Variants in VPS33A observed in about 807,000 individuals in gnomAD.
VPS33A encodes vacuolar protein sorting-associated protein 33A.
Under a neutral mutation model 71.8 loss-of-function variants are expected in VPS33A, and 32 were observed. The ratio of observed to expected loss-of-function variants is 0.45; its 90% CI spans 0.34 to 0.60. The LOEUF (loss-of-function observed/expected upper bound fraction) is 0.60. VPS33A is among the 20% of genes least tolerant of loss of function. The pLI is 0.02. For missense variants in VPS33A, 625 were observed against 748.5 expected (o/e 0.84, Z 1.92); for synonymous variants, 311 against 292.7 (o/e 1.06, Z -0.64).
At chr12:122,234,192 G>A (rs1388572029) in intron 11 of VPS33A, among the ~76,000 whole-genome samples, 1 of 152,218 alleles carries the variant, frequency 6.6e-6, no homozygotes. Context: ...TAAAAAACTG[G>A]CCACAGTGGC....
rs146822192 is a variant in VPS33A at position 122,242,485 on chromosome 12, C to A, written c.993G>T (p.Val331=). The change falls in exon 8 of 13, where the codon GTG becomes GTT. Residue 331 remains valine, a synonymous_variant. Transcript: ENST00000267199. ...GGGAAACAAACTGCTTGATCTCCCC[C>A]ACGGTCTTAGCATTGTGTCTTTCCT... ...AFEERHNAKT[V]GEIKQFVSQL... The A allele has an allele frequency of 6.4e-5, 103 of 1,613,946 alleles. No homozygotes were observed. In the African/African-American group the frequency reaches 1.3e-3, roughly 20 times the overall value.
At position 122,266,494 on chromosome 12, in the gene VPS33A, C is replaced by A. The variant is rs563281907; in HGVS notation, c.-86G>T. On this transcript the variant is annotated 5_prime_UTR_variant, in exon 1 of 13. Coordinates refer to ENST00000267199, the MANE Select transcript of VPS33A (RefSeq NM_022916.6). ...CCACGGACGCAGTCACGTGACCAAACGTCCACGTGACCGGTACGGCAGCGC... is the reference window on the plus strand; with the variant it reads ...CCACGGACGCAGTCACGTGACCAAAAGTCCACGTGACCGGTACGGCAGCGC... The A allele has an allele frequency of 1.3e-6, 2 of 1,538,232 alleles. No individual in the cohort carries two copies. Among genetic ancestry groups the A allele is most frequent in the East Asian group, 2.4e-5 (1 of 41,006 alleles).
intron 1 of VPS33A, 32 bp from the exon 2 acceptor site, chr12:122,264,231 A>G (rs763729265): frequency 3.4e-6 from 5 of 1,454,740 alleles, no homozygotes; most frequent in Non-Finnish European, 4.7e-6. Context: ...CTCTTATTAT[A>G]GTTAATATCA....
chr12:122,242,524 G>C lies in VPS33A; in HGVS notation c.970-16C>G. On this transcript the variant is annotated splice_polypyrimidine_tract_variant and intron_variant, in intron 7 of 12. Transcript: ENST00000267199. ...TGTGTCTTTCCTGAAATAAACAAGAGAGCAGTGCCTCAAGCAGGGAAGATA... is the reference window on the plus strand; with the variant it reads ...TGTGTCTTTCCTGAAATAAACAAGACAGCAGTGCCTCAAGCAGGGAAGATA... The C allele has an allele frequency of 6.3e-7, 1 of 1,597,234 alleles. No homozygotes were observed. The highest frequency in any genetic ancestry group is 2.3e-5 in the East Asian group (1 of 44,324).
chr12:122,233,213 T>C (rs924555281), intron 11 of VPS33A, among the ~76,000 whole-genome samples: 12 of 148,766 alleles, frequency 8.1e-5, no homozygotes, highest in African/African-American at 2.9e-4. Flanking sequence ...AAGAATTATT[T>C]GGTTTGGCAT....
intron 5 of VPS33A, among the ~76,000 whole-genome samples, 181 bp downstream of exon 5, chr12:122,250,802 A>G (rs1206748325): frequency 6.6e-6 from 1 of 152,242 alleles, no homozygotes; most frequent in East Asian, 1.9e-4. Context: ...CGCCGACAAA[A>G]GCACCATGAG....
chr12:122,237,749 C>T (rs1381604567), intron 10 of VPS33A, among the ~76,000 whole-genome samples: 2 of 133,344 alleles, frequency 1.5e-5, no homozygotes, highest in Non-Finnish European at 3.1e-5. Context: ...ACAGAGCCAC[C>T]GCGCCCGGCC....
intron 6 of VPS33A, among the ~76,000 whole-genome samples, chr12:122,246,290 TTTTATTTATTTA>T (rs138644669): frequency 6.6e-6 from 1 of 150,836 alleles, no homozygotes. Flanking sequence ...CTCTCTCTTA[TTTTATTTATTTA>T]TTTATTTATT....
At chr12:122,262,169 C>G (rs1955003497) in intron 3 of VPS33A, among the ~76,000 whole-genome samples, 1 of 152,108 alleles carries the variant, frequency 6.6e-6, no homozygotes, top group Non-Finnish European at 1.5e-5. Flanking sequence ...CCAGCCTGGG[C>G]AACAGAGTGA....
intron 11 of VPS33A, among the ~76,000 whole-genome samples, chr12:122,235,556 G>A (rs1488162074): frequency 6.6e-6 from 1 of 152,028 alleles, no homozygotes; most frequent in Admixed American, 6.6e-5. Context: ...GAGCCACCGC[G>A]CCCAGCCCAC....
chr12:122,250,869 G>T, intron 5 of VPS33A, 114 bp downstream of exon 5: 1 of 767,346 alleles, frequency 1.3e-6, no homozygotes, highest in Non-Finnish European at 2.2e-6. Context: ...CATGAGTACA[G>T]TATTCATAAA....
rs1954991342 is a variant in VPS33A at position 122,261,324 on chromosome 12, G to A, written c.420C>T (p.Tyr140=). ...VLGSFIHREE[Y]SLDLIPFDGD... ...CATCGAATGGAATGAGATCTAAGCT[G>A]TACTCCTCCCTGTGAATAAAGGATC... The change falls in exon 4 of 13, where the codon TAC becomes TAT. Residue 140 remains tyrosine, a synonymous_variant. Coordinates refer to ENST00000267199, the MANE Select transcript of VPS33A (RefSeq NM_022916.6). The A allele has an allele frequency of 1.9e-6, 3 of 1,614,024 alleles. No individual in the cohort carries two copies. Among genetic ancestry groups the A allele is most frequent in the African/African-American group, 1.3e-5 (1 of 74,998 alleles).
chr12:122,255,698 A>C (rs1419261215), intron 4 of VPS33A, among the ~76,000 whole-genome samples: 1 of 111,180 alleles, frequency 9.0e-6, no homozygotes, highest in Non-Finnish European at 1.7e-5. Flanking sequence ...CAAGAGTGAG[A>C]CTCCGTCTCA....
intron 9 of VPS33A, among the ~76,000 whole-genome samples, chr12:122,238,928 C>T (rs1366914051): frequency 1.3e-5 from 2 of 149,456 alleles, no homozygotes; most frequent in African/African-American, 4.9e-5. Context: ...AATAGCTCTG[C>T]TAGCCCCAGC....
At chr12:122,257,636 G>A (rs891076726) in intron 4 of VPS33A, among the ~76,000 whole-genome samples, 3 of 151,698 alleles carry the variant, frequency 2.0e-5, no homozygotes, top group African/African-American at 7.3e-5. Context: ...TTACACCAGT[G>A]CACTCCAGCC....
At position 122,231,629 on chromosome 12, in the gene VPS33A, T is replaced by G. The variant is rs527282636; in HGVS notation, c.*617A>C. 1 of 152,718 alleles carries G rather than the reference T, an allele frequency of 6.5e-6. No homozygotes were observed. The highest frequency in any genetic ancestry group is 1.5e-5 in the Non-Finnish European group (1 of 68,278). 9.5% of individuals were successfully genotyped at this position (152,718 alleles called of 1,614,324 possible). ...TTATTTTAAGAGCTGGCCCCGTTTG[T>G]CTGGCTGAATGGATTATCTACCCCC... On this transcript the variant is annotated 3_prime_UTR_variant, in exon 13 of 13. Coordinates refer to ENST00000267199, the MANE Select transcript of VPS33A (RefSeq NM_022916.6).
chr12:122,240,025 C>CTG (rs1244274251), intron 8 of VPS33A, 80 bp from the exon 9 acceptor site: 1 of 1,111,318 alleles, frequency 9.0e-7, no homozygotes, highest in African/African-American at 1.5e-5. Flanking sequence ...ACACAGAGCA[C>CTG]GATTCAGAAA....
At position 122,231,191 on chromosome 12, in the gene VPS33A, C is replaced by A; in HGVS notation, c.*1055G>T. On this transcript the variant is annotated 3_prime_UTR_variant, in exon 13 of 13. Transcript: ENST00000267199. Reference sequence around the variant, plus strand: ...TGGAGTTAACGTGTGTGCTAAGAAACTGTCTTTGAATTACTTCAAAGGCTG... The same window carrying A: ...TGGAGTTAACGTGTGTGCTAAGAAAATGTCTTTGAATTACTTCAAAGGCTG... The A allele has an allele frequency of 6.6e-6, 1 of 152,330 alleles. No individual in the cohort carries two copies. 9.4% of individuals were successfully genotyped at this position (152,330 alleles called of 1,614,324 possible).
At position 122,244,625 on chromosome 12, in the gene VPS33A, T is replaced by C; in HGVS notation, c.913A>G (p.Asn305Asp). 1 of 1,614,112 alleles carries C rather than the reference T, an allele frequency of 6.2e-7. No individual in the cohort carries two copies. Among genetic ancestry groups the C allele is most frequent in the Non-Finnish European group, 8.5e-7 (1 of 1,179,938 alleles). ...TTGCTGAGCACAGAGCCAACTGCGT[T>C]GAAGTTCTTATCTCGGATCTCAGCA... ...LYAEIRDKNF[N>D]AVGSVLSKKA... is the part of the protein sequence containing the mutation. Residue 305 changes from asparagine to aspartate, a missense_variant, in exon 7 of 13, where the codon AAC becomes GAC. Physicochemically the swap from Asn to Asp is conservative, Grantham distance 23. Transcript: ENST00000267199.
Sources: allele counts gnomAD v4.1 joint callset (sites outside exome capture counted in the v4.1 genomes callset), GRCh38; gene constraint gnomAD v4.1.1; transcripts MANE v1.5; gene names NCBI Gene and HGNC (gene_info 2026-07-23, HGNC 2026-07-21).